Variants in ENTREP2 observed in about 807,000 individuals in gnomAD.
The protein encoded by ENTREP2 is endosomal transmembrane epsin interactor 2, also known as protein ENTREP2.
chr15:29,405,830 C>T, the ENTREP2 span, among the ~76,000 whole-genome samples: 1 of 152,210 alleles, frequency 6.6e-6, no homozygotes, highest in Admixed American at 6.5e-5. Context: ...GACTTTGTGC[C>T]CATGCTCCTG....
At chr15:29,300,712 C>T in the ENTREP2 span, among the ~76,000 whole-genome samples, 3 of 152,096 alleles carry the variant, frequency 2.0e-5, no homozygotes, top group Non-Finnish European at 4.4e-5. Context: ...CATTCTCCTG[C>T]CTCAGCCTCC....
the ENTREP2 span, among the ~76,000 whole-genome samples, chr15:29,379,079 C>T: frequency 3.9e-5 from 6 of 152,346 alleles, no homozygotes; most frequent in Admixed American, 1.3e-4. Flanking sequence ...CATACACTTC[C>T]GTCTGCAGTG....
At chr15:29,166,532 C>G in the ENTREP2 span, among the ~76,000 whole-genome samples, 13 of 152,014 alleles carry the variant, frequency 8.6e-5, no homozygotes, top group African/African-American at 2.9e-4. Context: ...CAACAGTGAC[C>G]AAGCCAAGAA....
chr15:29,574,767 A>G, the ENTREP2 span, among the ~76,000 whole-genome samples: 1 of 152,126 alleles, frequency 6.6e-6, no homozygotes, highest in Non-Finnish European at 1.5e-5. Context: ...TACATAATGG[A>G]TGAGAAAGAA....
the ENTREP2 span, among the ~76,000 whole-genome samples, chr15:29,243,525 G>A: frequency 6.6e-6 from 1 of 151,956 alleles, no homozygotes; most frequent in African/African-American, 2.4e-5. Flanking sequence ...AACTATAAAA[G>A]GGGGAAAATT....
chr15:29,217,529 T>C, the ENTREP2 span, among the ~76,000 whole-genome samples: 1 of 152,228 alleles, frequency 6.6e-6, no homozygotes, highest in African/African-American at 2.4e-5. Context: ...TTCTTTCTTC[T>C]ACTTGTTGAA....
At chr15:29,614,965 G>C in the ENTREP2 span, among the ~76,000 whole-genome samples, 2 of 152,106 alleles carry the variant, frequency 1.3e-5, no homozygotes, top group Non-Finnish European at 2.9e-5. Context: ...TTCCATTCTA[G>C]AACGGTTTTG....
chr15:29,592,517 A>T, the ENTREP2 span, among the ~76,000 whole-genome samples: 4,482 of 150,484 alleles, frequency 0.03, 107 homozygotes, highest in Middle Eastern at 0.085. Context: ...CACTCCCATG[A>T]TAAAGTTAAT....
the ENTREP2 span, among the ~76,000 whole-genome samples, chr15:29,634,040 G>A: frequency 1.7e-4 from 26 of 152,250 alleles, no homozygotes; most frequent in East Asian, 5.0e-3. Flanking sequence ...TGGTGGGGCT[G>A]TTACTTTCCA....
At chr15:29,467,741 A>T in the ENTREP2 span, among the ~76,000 whole-genome samples, 1 of 152,150 alleles carries the variant, frequency 6.6e-6, no homozygotes. Context: ...AAGACCATCT[A>T]TGGCCAGGCA....
At chr15:29,208,093 A>G in the ENTREP2 span, among the ~76,000 whole-genome samples, 1 of 152,096 alleles carries the variant, frequency 6.6e-6, no homozygotes, top group Admixed American at 6.5e-5. Flanking sequence ...TGTCCCCTAC[A>G]GCAGGGATGG....
chr15:29,416,506 T>G, the ENTREP2 span, among the ~76,000 whole-genome samples: 1 of 152,184 alleles, frequency 6.6e-6, no homozygotes, highest in Non-Finnish European at 1.5e-5. Flanking sequence ...TCAAGGTGGA[T>G]TAAAGACTTA....
At chr15:29,458,245 C>T in the ENTREP2 span, among the ~76,000 whole-genome samples, 3 of 152,104 alleles carry the variant, frequency 2.0e-5, no homozygotes, top group African/African-American at 7.2e-5. Flanking sequence ...AGCAAATTTG[C>T]CCTTCCTGTG....
At chr15:29,580,408 T>C in the ENTREP2 span, among the ~76,000 whole-genome samples, 3 of 152,224 alleles carry the variant, frequency 2.0e-5, no homozygotes, top group African/African-American at 7.2e-5. Context: ...TCTAGAGTTC[T>C]TAGAGCAGTA....
chr15:29,385,665 C>A, the ENTREP2 span, among the ~76,000 whole-genome samples: 3 of 151,976 alleles, frequency 2.0e-5, no homozygotes, highest in African/African-American at 7.3e-5. Flanking sequence ...TGAAACCTGG[C>A]CAGGTGACTC....
At chr15:29,524,757 GCCAACA>G in the ENTREP2 span, among the ~76,000 whole-genome samples, 3 of 152,214 alleles carry the variant, frequency 2.0e-5, no homozygotes, top group Non-Finnish European at 2.9e-5. Context: ...TGCAATGGCA[GCCAACA>G]GCAGTGGTGG....
At chr15:29,579,686 A>ATTTTTTTTTT in the ENTREP2 span, among the ~76,000 whole-genome samples, 6 of 55,822 alleles carry the variant, frequency 1.1e-4, 1 homozygote, top group African/African-American at 4.6e-4. Flanking sequence ...CACCCAGCTA[A>ATTTTTTTTTT]TTTTTTTTTT....
the ENTREP2 span, among the ~76,000 whole-genome samples, chr15:29,468,170 C>T: frequency 6.6e-6 from 1 of 152,046 alleles, no homozygotes; most frequent in Admixed American, 6.6e-5. Context: ...CAACAGTGAT[C>T]GACTGTAAAG....
At chr15:29,615,209 G>C in the ENTREP2 span, among the ~76,000 whole-genome samples, 1 of 150,702 alleles carries the variant, frequency 6.6e-6, no homozygotes, top group African/African-American at 2.4e-5. Flanking sequence ...AGGCTGGAGT[G>C]TAATGGTGCG....
Sources: gnomAD v4.1 joint callset for allele counts (sites outside exome capture counted in the v4.1 genomes callset) on GRCh38, gnomAD v4.1.1 for gene constraint, MANE v1.5 for transcripts, NCBI Gene and HGNC (gene_info 2026-07-23, HGNC 2026-07-21) for gene names.